Variants in MPP2 observed in about 807,000 individuals in gnomAD.
MPP2 encodes the protein MAGUK p55 scaffold protein 2.
Under a neutral mutation model 58.5 loss-of-function variants are expected in MPP2, and 42 were observed. That is an observed-to-expected ratio of 0.72 (90% CI 0.56 to 0.93). MPP2 has a LOEUF of 0.93. Among genes scored for constraint, MPP2 ranks in the 40% least tolerant of loss-of-function variants. The probability of loss-of-function intolerance (pLI) is 0.00; values close to 1 mark genes in which losing one functional copy is unlikely to be tolerated. For missense variants in MPP2, 632 were observed against 760.4 expected (o/e 0.83, Z 1.99); for synonymous variants, 300 against 307.8 (o/e 0.97, Z 0.26).
rs1180398896 is a variant in MPP2 at position 43,877,988 on chromosome 17, C to T, written c.1483-5G>A. Reference sequence around the variant, plus strand: ...TGTCCGTCTCAGGTCCGCCTCCTGCCCAGGCACAAGGGGACCTCCCTACAG... The same window carrying T: ...TGTCCGTCTCAGGTCCGCCTCCTGCTCAGGCACAAGGGGACCTCCCTACAG... On this transcript the variant is annotated splice_region_variant and splice_polypyrimidine_tract_variant and intron_variant, in intron 12 of 12. Coordinates refer to ENST00000269095, the MANE Select transcript of MPP2 (RefSeq NM_005374.5). 1.2e-6 allele frequency: 2 copies of T among 1,610,716 alleles called. No homozygotes were observed. The highest frequency in any genetic ancestry group is 1.1e-5 in the South Asian group (1 of 90,762).
chr17:43,891,338 G>C (rs538263316), intron 3 of MPP2, among the ~76,000 whole-genome samples: 113 of 152,138 alleles, frequency 7.4e-4, no homozygotes, highest in African/African-American at 2.5e-3. Context: ...TGGCCAACAT[G>C]GTGAAACCCC....
Position 43,877,820 on chromosome 17 carries a change from C to G in MPP2, c.1646G>C (p.Ser549Thr). 1 of 1,613,672 alleles carries G rather than the reference C, an allele frequency of 6.2e-7. No homozygotes were observed. ...AGGTGAACAGGCTCAGTACACCCAG[C>G]TGACAGGCACCCACTGGGGCTCTGT... ...LRTEPQWVPV[S>T]WVY Residue 549 changes from serine to threonine, a missense_variant, in exon 13 of 13, where the codon AGC becomes ACC. Physicochemically the swap from Ser to Thr is moderately conservative, Grantham distance 58. Coordinates refer to ENST00000269095, the MANE Select transcript of MPP2 (RefSeq NM_005374.5).
intron 3 of MPP2, among the ~76,000 whole-genome samples, chr17:43,885,740 G>C (rs1430112002): frequency 6.6e-6 from 1 of 152,170 alleles, no homozygotes; most frequent in Non-Finnish European, 1.5e-5. Context: ...AAGGGTAGTA[G>C]GGGCGTAAGG....
intron 3 of MPP2, chr17:43,884,091 T>C (rs1567884254): frequency 1.4e-6 from 1 of 702,800 alleles, no homozygotes; most frequent in African/African-American, 1.7e-5. Context: ...TACCCCAAAG[T>C]ATTTCAGCAT....
intron 1 of MPP2, among the ~76,000 whole-genome samples, chr17:43,904,762 T>G (rs1364186668): frequency 6.6e-6 from 1 of 152,178 alleles, no homozygotes; most frequent in Non-Finnish European, 1.5e-5. Flanking sequence ...TAAGGAGAGC[T>G]AAAATGAAAA....
upstream of MPP2, among the ~76,000 whole-genome samples, chr17:43,909,203 A>T (rs1290361598): frequency 6.6e-6 from 1 of 151,940 alleles, no homozygotes; most frequent in Non-Finnish European, 1.5e-5. Context: ...AGTAGCTGGG[A>T]TTACAGGTAT....
rs527614515 is a variant in MPP2 at position 43,876,724 on chromosome 17, C to G, written c.*1083G>C. Reference sequence around the variant, plus strand: ...GGCACAGACAGGTGCCGAACATGCACGTGGAACCACAGGTTGTACAGACTA... The same window carrying G: ...GGCACAGACAGGTGCCGAACATGCAGGTGGAACCACAGGTTGTACAGACTA... On this transcript the variant is annotated 3_prime_UTR_variant, in exon 13 of 13. Transcript: ENST00000269095. The G allele has an allele frequency of 1.3e-5, 2 of 152,380 alleles. No homozygotes were observed. The highest frequency in any genetic ancestry group is 4.8e-5 in the African/African-American group (2 of 41,460). 9.4% of individuals were successfully genotyped at this position (152,380 alleles called of 1,614,324 possible).
Position 43,880,810 on chromosome 17 carries a change from C to T in MPP2, c.1031G>A (p.Arg344His), listed in dbSNP as rs141122901. The T allele has an allele frequency of 1.1e-4, 176 of 1,612,254 alleles. No individual in the cohort carries two copies. The highest frequency in any genetic ancestry group is 8.9e-4 in the Admixed American group (53 of 59,824). ...GGTTTTCCGGCGGAACGGGGGCATG[C>T]GGGCCACCTCCTCATAAATGAGCAG... ...HELLIYEEVARMPPFRRKTLV... is the reference protein window; with the variant it reads ...HELLIYEEVAHMPPFRRKTLV... Residue 344 changes from arginine to histidine, a missense_variant, in exon 10 of 13, where the codon CGC becomes CAC. Transcript: ENST00000269095. This position sits in a 1 kb window ranked among gnomAD's most constrained non-coding sequence, Gnocchi z 5.2.
At chr17:43,898,794 A>T (rs2047964274) in intron 2 of MPP2, among the ~76,000 whole-genome samples, 1 of 151,908 alleles carries the variant, frequency 6.6e-6, no homozygotes, top group African/African-American at 2.4e-5. Context: ...GCAAAACCCC[A>T]TCTCTACTAA....
chr17:43,886,360 C>A lies in MPP2; in HGVS notation c.151-3005G>T, dbSNP rs115087625. On this transcript the variant is annotated intron_variant, in intron 3 of 12. Transcript: ENST00000269095. ...AGTGCAGTGGCGCGATCTCAGCTCA[C>A]TGCAACCTCTGCCTCCCAGGTTGGG... Among the ~76,000 whole-genome samples, 913 of 151,946 alleles carry A rather than the reference C, an allele frequency of 6.0e-3. 13 individuals are homozygous for A. Among genetic ancestry groups the A allele is most frequent in the African/African-American group, 0.021 (854 of 41,466 alleles).
chr17:43,907,713 A>G (rs1266621831), upstream of MPP2: 1 of 985,410 alleles, frequency 1.0e-6, no homozygotes, highest in Non-Finnish European at 1.2e-6. Flanking sequence ...CACCGCACAG[A>G]CCACGACGCC....
Position 43,879,029 on chromosome 17 carries a change from G to A in MPP2, c.1482+246C>T, listed in dbSNP as rs1323906851. 6.6e-6 allele frequency among the ~76,000 whole-genome samples: 1 copy of A among 152,314 alleles called. No homozygotes were observed. Among genetic ancestry groups the A allele is most frequent in the East Asian group, 1.9e-4 (1 of 5,168 alleles). ...CTCTGCAGAGTGGGCTGAGCCGGGGGCCTTGAGTCAGAAGCACATGTATCC... is the reference window on the plus strand; with the variant it reads ...CTCTGCAGAGTGGGCTGAGCCGGGGACCTTGAGTCAGAAGCACATGTATCC... On this transcript the variant is annotated intron_variant, in intron 12 of 12. Coordinates refer to ENST00000269095, the MANE Select transcript of MPP2 (RefSeq NM_005374.5). The surrounding 1 kb of genome is among the most constrained non-coding windows in gnomAD (Gnocchi z 4.1).
chr17:43,907,342 AG>A, intron 1 of MPP2, 131 bp downstream of exon 1: 1 of 985,610 alleles, frequency 1.0e-6, no homozygotes, highest in Non-Finnish European at 1.2e-6. Context: ...GTGGACAGGG[AG>A]GGAACGGGCC....
intron 3 of MPP2, among the ~76,000 whole-genome samples, chr17:43,894,294 G>A (rs1435549259): frequency 2.0e-5 from 3 of 151,524 alleles, no homozygotes; most frequent in African/African-American, 4.8e-5. Flanking sequence ...GCGCATGCCT[G>A]TAGTCCTAGC....
chr17:43,891,299 C>T (rs995267596), intron 3 of MPP2, among the ~76,000 whole-genome samples: 5 of 152,124 alleles, frequency 3.3e-5, no homozygotes, highest in Non-Finnish European at 7.3e-5. Flanking sequence ...GTGGGTGGAT[C>T]ACCTGAGGTC....
chr17:43,878,618 G>T (rs975691245), intron 12 of MPP2, among the ~76,000 whole-genome samples: 1 of 152,220 alleles, frequency 6.6e-6, no homozygotes, highest in African/African-American at 2.4e-5. Context: ...CCTTAAGGGG[G>T]TCATTGGCAG....
At chr17:43,905,759 T>G (rs1318826332) in intron 1 of MPP2, among the ~76,000 whole-genome samples, 1 of 152,048 alleles carries the variant, frequency 6.6e-6, no homozygotes, top group African/African-American at 2.4e-5. Context: ...AAAAGAGGAT[T>G]CTTCCCAGAG....
At chr17:43,884,000 A>C (rs141233691) in intron 3 of MPP2, 1 of 667,084 alleles carries the variant, frequency 1.5e-6, no homozygotes, top group African/African-American at 1.8e-5. Flanking sequence ...GAAGAAAAGA[A>C]TTCCATTTCA....
At chr17:43,881,036 G>C (rs956878047) in intron 9 of MPP2, 54 bp downstream of exon 9, 1 of 1,596,416 alleles carries the variant, frequency 6.3e-7, no homozygotes, top group Non-Finnish European at 8.6e-7. Context: ...GTGGGGACAG[G>C]GAAAGGCATG....
Sources: gnomAD v4.1 joint callset for allele counts (sites outside exome capture counted in the v4.1 genomes callset) on GRCh38, gnomAD v4.1.1 for gene constraint, Gnocchi (gnomAD v3.1) non-coding constraint, MANE v1.5 for transcripts, NCBI Gene and HGNC (gene_info 2026-07-23, HGNC 2026-07-21) for gene names.